The following SDCCAG8 variants were observed in gnomAD, a reference collection of about 807,000 sequenced individuals.
SDCCAG8 encodes the protein serologically defined colon cancer antigen 8.
Under a neutral mutation model 101.8 loss-of-function variants are expected in SDCCAG8, and 74 were observed. The ratio of observed to expected loss-of-function variants is 0.73; its 90% CI spans 0.60 to 0.88. SDCCAG8 has a LOEUF of 0.88. SDCCAG8 is among the 40% of genes least tolerant of loss of function. The pLI, the probability that SDCCAG8 is intolerant of heterozygous loss-of-function variation, is 0.00. For synonymous variants in SDCCAG8, 281 were observed against 292.9 expected (o/e 0.96, Z 0.41); for missense variants, 787 against 822.6 (o/e 0.96, Z 0.53).
chr1:243,419,054 G>A (rs886710797), intron 15 of SDCCAG8, among the ~76,000 whole-genome samples: 1 of 151,938 alleles, frequency 6.6e-6, no homozygotes, highest in African/African-American at 2.4e-5. Flanking sequence ...ATCACTCTGA[G>A]CTCCATCTTG....
At chr1:243,273,468 T>C (rs1023038071) in intron 3 of SDCCAG8, among the ~76,000 whole-genome samples, 8 of 152,202 alleles carry the variant, frequency 5.3e-5, no homozygotes, top group African/African-American at 1.7e-4. Flanking sequence ...AGAGCTAAAA[T>C]AGCATTAGCG....
chr1:243,403,466 G>T (rs1573845382), intron 13 of SDCCAG8, among the ~76,000 whole-genome samples: 1 of 152,182 alleles, frequency 6.6e-6, no homozygotes, highest in Non-Finnish European at 1.5e-5. Flanking sequence ...CTATATGTCA[G>T]TGCTGTACTA....
rs1158718060 is a variant in SDCCAG8 at position 243,419,523 on chromosome 1, A to G, written c.1853+1447A>G. 2.6e-5 allele frequency among the ~76,000 whole-genome samples: 4 copies of G among 152,312 alleles called. No individual in the cohort carries two copies. In the East Asian group the frequency reaches 7.7e-4, roughly 29 times the overall value. On this transcript the variant is annotated intron_variant, in intron 15 of 17. Coordinates refer to ENST00000366541, the MANE Select transcript of SDCCAG8 (RefSeq NM_006642.5). Reference sequence around the variant, plus strand: ...TGATTAGTGATCTTGCTCTCCAAGGAGACCTAATTAGGGAAATTTATTATA... The same window carrying G: ...TGATTAGTGATCTTGCTCTCCAAGGGGACCTAATTAGGGAAATTTATTATA...
chr1:243,360,714 CGGGA>C (rs2076658821), intron 12 of SDCCAG8, among the ~76,000 whole-genome samples: 1 of 151,916 alleles, frequency 6.6e-6, no homozygotes. Flanking sequence ...CCCAGCTACT[CGGGA>C]GGCTGAGGCA....
At chr1:243,497,827 C>T (rs145507912) in intron 17 of SDCCAG8, among the ~76,000 whole-genome samples, 4 of 152,202 alleles carry the variant, frequency 2.6e-5, no homozygotes, top group Middle Eastern at 3.4e-3. Flanking sequence ...TACAGGGGTG[C>T]GCCACCACAC....
At chr1:243,447,223 T>TGG (rs1343904864) in intron 16 of SDCCAG8, among the ~76,000 whole-genome samples, 2 of 106,234 alleles carry the variant, frequency 1.9e-5, no homozygotes, top group African/African-American at 7.4e-5. Context: ...CACTCCAGCC[T>TGG]GGGTGACAGA....
At position 243,288,977 on chromosome 1, in the gene SDCCAG8, G is replaced by A. The variant is rs150125062; in HGVS notation, c.546+2580G>A. On this transcript the variant is annotated intron_variant, in intron 5 of 17. Transcript: ENST00000366541. ...AGCTGAGACTGCGCCACTGCACTCT[G>A]GCCTGGGCGACAGAGCAAGACTCCA... 1.5e-4 allele frequency among the ~76,000 whole-genome samples: 23 copies of A among 150,400 alleles called. 1 individual carries two copies. The highest frequency in any genetic ancestry group is 5.2e-4 in the African/African-American group (21 of 40,756).
chr1:243,264,791 G>C (rs911644799), intron 1 of SDCCAG8, among the ~76,000 whole-genome samples: 48 of 152,214 alleles, frequency 3.2e-4, no homozygotes, highest in African/African-American at 1.1e-3. Context: ...GGTCCTGTTT[G>C]TGTCTGTAGT....
chr1:243,457,226 G>C (rs2083832529), intron 16 of SDCCAG8, among the ~76,000 whole-genome samples: 1 of 152,050 alleles, frequency 6.6e-6, no homozygotes, highest in Non-Finnish European at 1.5e-5. Flanking sequence ...AGAATAGCAT[G>C]TGTCTATTCT....
intron 12 of SDCCAG8, among the ~76,000 whole-genome samples, chr1:243,371,518 G>T (rs994674654): frequency 6.6e-6 from 1 of 152,084 alleles, no homozygotes; most frequent in Non-Finnish European, 1.5e-5. Context: ...GCACTCAAAA[G>T]TGATAGCTGG....
intron 16 of SDCCAG8, among the ~76,000 whole-genome samples, chr1:243,471,090 G>A (rs1028653876): frequency 2.0e-5 from 3 of 152,016 alleles, no homozygotes; most frequent in African/African-American, 7.2e-5. Context: ...AAGAAGAAAC[G>A]TACAAGCAGA....
chr1:243,331,233 A>G (rs556547530), intron 10 of SDCCAG8, among the ~76,000 whole-genome samples: 3 of 152,380 alleles, frequency 2.0e-5, no homozygotes, highest in Non-Finnish European at 2.9e-5. Flanking sequence ...AACAGATAAC[A>G]TGAAACAAGC....
chr1:243,326,954 A>T (rs766005167), intron 9 of SDCCAG8, among the ~76,000 whole-genome samples: 1 of 152,204 alleles, frequency 6.6e-6, no homozygotes, highest in Admixed American at 6.5e-5. Flanking sequence ...ATCAAGTCCA[A>T]TAAACTGTGT....
At chr1:243,348,502 C>T (rs1280030377) in intron 12 of SDCCAG8, among the ~76,000 whole-genome samples, 2 of 152,120 alleles carry the variant, frequency 1.3e-5, no homozygotes, top group Non-Finnish European at 2.9e-5. Context: ...GCACCTCCCC[C>T]AGTGCCCTGG....
In SDCCAG8 at chr1:243,279,724, G is replaced by A. The variant is rs1396211182; in HGVS notation, c.420+5068G>A. On this transcript the variant is annotated intron_variant, in intron 4 of 17. Transcript: ENST00000366541. ...TTACATTAACTGATCCTCAAATGTC[G>A]AACCAATGTTGTGTAATTAGAATAA... Among the ~76,000 whole-genome samples the A allele has an allele frequency of 2.6e-5, 4 of 152,122 alleles. No homozygotes were observed. In the East Asian group the frequency reaches 5.8e-4, roughly 22 times the overall value.
chr1:243,417,798 T>C (rs2080698129), intron 14 of SDCCAG8, among the ~76,000 whole-genome samples, 170 bp from the exon 15 acceptor site: 1 of 152,164 alleles, frequency 6.6e-6, no homozygotes, highest in African/African-American at 2.4e-5. Context: ...ACTCCCAAGA[T>C]TGAGTGTCTT....
At chr1:243,469,730 G>A (rs1472252032) in intron 16 of SDCCAG8, among the ~76,000 whole-genome samples, 4 of 152,152 alleles carry the variant, frequency 2.6e-5, no homozygotes, top group Middle Eastern at 3.4e-3. Context: ...ATCTGCCTGC[G>A]AGTGCATGTG....
intron 8 of SDCCAG8, among the ~76,000 whole-genome samples, chr1:243,310,945 G>A (rs982291599): frequency 2.6e-5 from 4 of 152,222 alleles, no homozygotes; most frequent in African/African-American, 9.6e-5. Flanking sequence ...AATTTCAAGA[G>A]TTGGTGAGGT....
At chr1:243,339,974 A>G (rs1321812127) in intron 10 of SDCCAG8, among the ~76,000 whole-genome samples, 1 of 152,248 alleles carries the variant, frequency 6.6e-6, no homozygotes, top group African/African-American at 2.4e-5. Flanking sequence ...AGAGCCTAGA[A>G]GAGTGACTTC....
Sources: gnomAD v4.1 joint callset for allele counts (sites outside exome capture counted in the v4.1 genomes callset) on GRCh38, gnomAD v4.1.1 for gene constraint, MANE v1.5 for transcripts, NCBI Gene and HGNC (gene_info 2026-07-23, HGNC 2026-07-21) for gene names.